Variants in SLC3A2 observed in about 807,000 individuals in gnomAD.
The protein encoded by SLC3A2 is amino acid transporter heavy chain SLC3A2.
SLC3A2 carries 32 observed loss-of-function variants against 48.5 expected under a neutral mutation model. The ratio of observed to expected loss-of-function variants is 0.66; its 90% CI spans 0.50 to 0.89. SLC3A2 has a LOEUF of 0.89. Ranked by LOEUF, SLC3A2 falls within the 40% of genes least tolerant of loss-of-function variation. The pLI is 0.00. For missense variants in SLC3A2, 587 were observed against 680.7 expected, an observed-to-expected ratio of 0.86 and a Z score of 1.53; for synonymous variants, 277 against 288.8, an observed-to-expected ratio of 0.96 and a Z score of 0.41.
chr11:62,879,307 A>G (rs1419428215), upstream of SLC3A2, among the ~76,000 whole-genome samples: 3 of 152,172 alleles, frequency 2.0e-5, no homozygotes, highest in African/African-American at 4.8e-5. Flanking sequence ...GAGTCTCACT[A>G]TGTTGCCCCG....
intron 1 of SLC3A2, among the ~76,000 whole-genome samples, chr11:62,868,575 C>G (rs1370981803): frequency 6.6e-6 from 1 of 151,706 alleles, no homozygotes; most frequent in Non-Finnish European, 1.5e-5. Flanking sequence ...CCATGTTAGC[C>G]AGGATGGTGT....
intron 7 of SLC3A2, 76 bp downstream of exon 7, chr11:62,885,684 A>G (rs1360229236): frequency 1.3e-6 from 2 of 1,536,276 alleles, no homozygotes; most frequent in African/African-American, 1.4e-5. Context: ...ATGGCGGCAC[A>G]TAGACGTGAG....
chr11:62,883,694 A>G (rs867006443), intron 3 of SLC3A2: 1 of 260,808 alleles, frequency 3.8e-6, no homozygotes, highest in African/African-American at 2.2e-5. Context: ...AGGCCTTGCC[A>G]GTTACTAGGG....
intron 1 of SLC3A2, among the ~76,000 whole-genome samples, chr11:62,871,880 A>G (rs1180093853): frequency 6.6e-6 from 1 of 151,786 alleles, no homozygotes; most frequent in African/African-American, 2.4e-5. Context: ...GGGAGCACTA[A>G]TTTCTTTATG....
rs776158266 is a variant in SLC3A2 at position 62,882,880 on chromosome 11, A to G, written c.599-28A>G. The G allele has an allele frequency of 1.3e-5, 21 of 1,559,732 alleles. No homozygotes were observed. The South Asian group carries it at 1.9e-4, about 14-fold the overall frequency. ...TTTCCCTTAACTCATAGACTGTCTC[A>G]TGATTGCGTCTTCCTCCGTTGTTTT... is the stretch of plus-strand genomic sequence containing the variant. On this transcript the variant is annotated intron_variant, in intron 2 of 8. Coordinates refer to ENST00000338663, the MANE Select transcript of SLC3A2 (RefSeq NM_001013251.3).
intron 3 of SLC3A2, 183 bp from the exon 4 acceptor site, chr11:62,884,274 G>T: frequency 1.6e-6 from 1 of 628,632 alleles, no homozygotes; most frequent in Non-Finnish European, 2.8e-6. Flanking sequence ...GAGTGGAAGG[G>T]TAGAGCTGGA....
At chr11:62,877,015 C>T (rs1226871702), upstream of SLC3A2, 18 of 864,210 alleles carry the variant, frequency 2.1e-5, no homozygotes, top group Non-Finnish European at 2.4e-5. Flanking sequence ...CTGCCTTTGT[C>T]TTCACATGCT....
At position 62,888,435 on chromosome 11, in the gene SLC3A2, C is replaced by T. The variant is rs759485166; in HGVS notation, c.1332C>T (p.Ser444=). 72 of 1,614,104 alleles carry T rather than the reference C, an allele frequency of 4.5e-5. No homozygotes were observed. Among genetic ancestry groups the T allele is most frequent in the Admixed American group, 1.3e-4 (8 of 60,002 alleles). ...SLLHGDFHAF[S]AGPGLFSYIR... ...TGCATGGGGACTTCCACGCGTTCTC[C>T]GCTGGGCCTGGACTCTTCTCCTATA... The change falls in exon 9 of 9, where the codon TCC becomes TCT. Residue 444 remains serine, a synonymous_variant. Transcript: ENST00000338663.
At chr11:62,877,384 A>G (rs578185178), upstream of SLC3A2, among the ~76,000 whole-genome samples, 6 of 152,186 alleles carry the variant, frequency 3.9e-5, no homozygotes, top group African/African-American at 1.4e-4. Flanking sequence ...AAGAAGGGAG[A>G]TATTGGTTTT....
At chr11:62,873,787 TTTTG>T (rs973953673) in intron 1 of SLC3A2, among the ~76,000 whole-genome samples, 4 of 151,940 alleles carry the variant, frequency 2.6e-5, no homozygotes, top group Admixed American at 6.6e-5. Context: ...TTATTTGTTT[TTTTG>T]TTTATTTCTA....
chr11:62,882,651 A>G (rs533246541), intron 2 of SLC3A2: 127 of 413,240 alleles, frequency 3.1e-4, no homozygotes, highest in African/African-American at 2.5e-3. Flanking sequence ...CACCCAGATA[A>G]TTTTTTTATT....
At chr11:62,885,437 G>A (rs1417521745) in intron 6 of SLC3A2, 28 bp from the exon 7 acceptor site, 7 of 1,614,118 alleles carry the variant, frequency 4.3e-6, no homozygotes, top group Non-Finnish European at 5.9e-6. Flanking sequence ...GTGGGTTATG[G>A]GGCTCACTGG....
At chr11:62,882,646 A>G (rs564748912) in intron 2 of SLC3A2, 2 of 404,786 alleles carry the variant, frequency 4.9e-6, no homozygotes, top group African/African-American at 4.1e-5. Flanking sequence ...CACCACACCC[A>G]GATAATTTTT....
intron 1 of SLC3A2, among the ~76,000 whole-genome samples, chr11:62,867,545 C>T (rs766663690): frequency 1.1e-4 from 16 of 149,456 alleles, no homozygotes; most frequent in Non-Finnish European, 2.1e-4. Flanking sequence ...AGGATGGTCT[C>T]GATCCCCTGA....
intron 1 of SLC3A2, among the ~76,000 whole-genome samples, chr11:62,856,643 A>G (rs889594949): frequency 3.3e-5 from 5 of 152,172 alleles, no homozygotes; most frequent in African/African-American, 1.2e-4. Flanking sequence ...GTAGGATGAC[A>G]ACCCCCATTT....
At chr11:62,885,727 A>G (rs896660589) in intron 7 of SLC3A2, 119 bp downstream of exon 7, 4 of 1,090,526 alleles carry the variant, frequency 3.7e-6, no homozygotes, top group Non-Finnish European at 1.3e-6. Context: ...ATTCTTAGTC[A>G]GTAGCTGAGT....
intron 1 of SLC3A2, chr11:62,856,521 G>C: frequency 1.4e-6 from 1 of 691,502 alleles, no homozygotes; most frequent in Non-Finnish European, 2.4e-6. Flanking sequence ...GCCTTCTGGT[G>C]CGTTTTCTTT....
chr11:62,882,298 T>C (rs1261461525), intron 2 of SLC3A2: 1 of 519,228 alleles, frequency 1.9e-6, no homozygotes, highest in Admixed American at 3.3e-5. Flanking sequence ...TCAGTGCCCT[T>C]ATTTGCAAAA....
chr11:62,881,209 C>A lies in SLC3A2; in HGVS notation c.186C>A (p.Gly62=). The part of the protein sequence containing the change: ...AEAAAAAKFT[G]LSKEELLKVA... The stretch of plus-strand genomic sequence containing the variant: ...CGGCAGCCGCGGCTAAGTTCACGGG[C>A]CTGTCCAAGGAGGAGCTGCTGAAGG... Residue 62 remains glycine, a synonymous_variant, in exon 1 of 9, where the codon GGC becomes GGA. Coordinates refer to ENST00000338663, the MANE Select transcript of SLC3A2 (RefSeq NM_001013251.3). This position sits in a 1 kb window ranked among gnomAD's most constrained non-coding sequence, Gnocchi z 4.0. 6.3e-7 allele frequency: 1 copy of A among 1,590,032 alleles called. No homozygotes were observed. Among genetic ancestry groups the A allele is most frequent in the Non-Finnish European group, 8.5e-7 (1 of 1,170,090 alleles).
Sources: gnomAD v4.1 joint callset for allele counts (sites outside exome capture counted in the v4.1 genomes callset) on GRCh38, gnomAD v4.1.1 for gene constraint, Gnocchi (gnomAD v3.1) non-coding constraint, MANE v1.5 for transcripts, NCBI Gene and HGNC (gene_info 2026-07-23, HGNC 2026-07-21) for gene names.